The following G3BP2 variants were observed in gnomAD, a reference collection of about 807,000 sequenced individuals.
The protein encoded by G3BP2 is ras GTPase-activating protein-binding protein 2.
In G3BP2, 11 loss-of-function variants were observed where a neutral mutation model predicts 56.7. That is an observed-to-expected ratio of 0.19 (90% CI 0.12 to 0.32). G3BP2 has a LOEUF of 0.32. G3BP2 is among the 10% of genes least tolerant of loss of function. The pLI, the probability that G3BP2 is intolerant of heterozygous loss-of-function variation, is 1.00. For missense variants in G3BP2, 340 were observed against 610.9 expected (o/e 0.56, Z 4.67); for synonymous variants, 165 against 191.6 (o/e 0.86, Z 1.15).
chr4:75,651,634 A>G (rs1731706312), intron 8 of G3BP2, among the ~76,000 whole-genome samples: 1 of 152,222 alleles, frequency 6.6e-6, no homozygotes, highest in Admixed American at 6.5e-5. Flanking sequence ...CAGTTTCATG[A>G]TTAAAACTAG....
At chr4:75,692,657 G>A (rs1343946003) in intron 3 of G3BP2, among the ~76,000 whole-genome samples, 2 of 152,112 alleles carry the variant, frequency 1.3e-5, no homozygotes, top group Non-Finnish European at 1.5e-5. Flanking sequence ...TGTCTTTACC[G>A]CTGCTGAAAA....
intron 1 of G3BP2, among the ~76,000 whole-genome samples, chr4:75,664,026 G>C (rs1732785931): frequency 6.6e-6 from 1 of 150,704 alleles, no homozygotes; most frequent in Non-Finnish European, 1.5e-5. Context: ...TGGGACTACA[G>C]GCACGTGTCA....
At chr4:75,679,333 G>C (rs1012103190) in intron 3 of G3BP2, among the ~76,000 whole-genome samples, 2 of 152,224 alleles carry the variant, frequency 1.3e-5, no homozygotes, top group East Asian at 3.8e-4. Flanking sequence ...TAGAGCAAGA[G>C]AGGAGAAAGC....
At chr4:75,655,270 T>C in intron 6 of G3BP2, 24 bp from the exon 7 acceptor site, 1 of 1,543,928 alleles carries the variant, frequency 6.5e-7, no homozygotes, top group Non-Finnish European at 8.9e-7. Context: ...TTTAGTTCAC[T>C]TTTTAGTAGG....
chr4:75,645,736 C>A (rs1731167665), intron 11 of G3BP2, 34 bp from the exon 12 acceptor site: 1 of 1,579,848 alleles, frequency 6.3e-7, no homozygotes, highest in Non-Finnish European at 8.7e-7. Context: ...TTTACATGGG[C>A]AGGTTAGACA....
intron 1 of G3BP2, among the ~76,000 whole-genome samples, chr4:75,666,452 TGA>T (rs1262782851): frequency 6.6e-6 from 1 of 152,218 alleles, no homozygotes; most frequent in Non-Finnish European, 1.5e-5. Context: ...CAAGATTTAC[TGA>T]GAGAACAGTG....
intron 1 of G3BP2, among the ~76,000 whole-genome samples, chr4:75,669,186 G>A (rs888458173): frequency 1.3e-5 from 2 of 152,082 alleles, no homozygotes; most frequent in Non-Finnish European, 2.9e-5. Context: ...CTACCTAAAC[G>A]TGTATCTAGT....
chr4:75,652,136 G>A (rs1195641512), intron 8 of G3BP2, among the ~76,000 whole-genome samples: 1 of 152,054 alleles, frequency 6.6e-6, no homozygotes, highest in African/African-American at 2.4e-5. Flanking sequence ...TTAAAGGGGT[G>A]GCATAGGAAA....
chr4:75,684,627 C>A (rs1279659338), intron 3 of G3BP2, among the ~76,000 whole-genome samples: 1 of 152,048 alleles, frequency 6.6e-6, no homozygotes, highest in Non-Finnish European at 1.5e-5. Context: ...CAAACTGCAG[C>A]CTCAAACTCC....
chr4:75,693,476 T>A (rs937254891), intron 3 of G3BP2, among the ~76,000 whole-genome samples: 1 of 150,850 alleles, frequency 6.6e-6, no homozygotes, highest in Non-Finnish European at 1.5e-5. Context: ...GGTATCTGAG[T>A]TTTTTTTGTT....
At position 75,666,029 on chromosome 4, in the gene G3BP2, G is replaced by C. The variant is rs1158143354; in HGVS notation, c.-24-3980C>G. On this transcript the variant is annotated intron_variant, in intron 1 of 11. Transcript: ENST00000359707. Reference sequence around the variant, plus strand: ...CCATCATATTCATAGAGTACATACTGATCTATCATTTTTGTCACTTACATA... The same window carrying C: ...CCATCATATTCATAGAGTACATACTCATCTATCATTTTTGTCACTTACATA... Among the ~76,000 whole-genome samples the C allele has an allele frequency of 2.0e-5, 3 of 152,226 alleles. No individual in the cohort carries two copies. In the East Asian group the frequency reaches 5.8e-4, roughly 29 times the overall value.
Position 75,659,917 on chromosome 4 carries a change from C to T in G3BP2, c.96-993G>A, listed in dbSNP as rs1176152798. Among the ~76,000 whole-genome samples, 8 of 152,264 alleles carry T rather than the reference C, an allele frequency of 5.3e-5. No individual in the cohort carries two copies. The East Asian group carries it at 1.5e-3, about 29-fold the overall frequency. On this transcript the variant is annotated intron_variant, in intron 2 of 11. Transcript: ENST00000359707. ...AGAACAGTTTGGCTGTGTGTGTATA[C>T]ACATGAAAAGCCTCAGAATGATCAT... is the stretch of plus-strand genomic sequence containing the variant.
intron 3 of G3BP2, among the ~76,000 whole-genome samples, chr4:75,703,472 T>C (rs1719424523): frequency 6.6e-6 from 1 of 152,188 alleles, no homozygotes; most frequent in Admixed American, 6.6e-5. Flanking sequence ...AAATATTTAC[T>C]AAATGTCTAC....
At chr4:75,646,895 T>A (rs747976721) in intron 10 of G3BP2, 134 bp downstream of exon 10, 2 of 581,236 alleles carry the variant, frequency 3.4e-6, no homozygotes, top group African/African-American at 3.8e-5. Flanking sequence ...TCTGCACAAT[T>A]AAGGTGGGTC....
At chr4:75,682,373 G>A (rs1426806609) in intron 3 of G3BP2, among the ~76,000 whole-genome samples, 1 of 147,422 alleles carries the variant, frequency 6.8e-6, no homozygotes, top group Admixed American at 6.9e-5. Context: ...CCAAGATTGT[G>A]CCACTGCACT....
At chr4:75,706,190 T>G (rs1450754491) in intron 3 of G3BP2, among the ~76,000 whole-genome samples, 2 of 152,172 alleles carry the variant, frequency 1.3e-5, no homozygotes, top group East Asian at 3.9e-4. Flanking sequence ...CTACTTACAC[T>G]TGAACTTCAG....
chr4:75,673,296 C>G lies in G3BP2; in HGVS notation c.-113G>C. 2.4e-6 allele frequency: 3 copies of G among 1,228,854 alleles called. No homozygotes were observed. Among genetic ancestry groups the G allele is most frequent in the Non-Finnish European group, 3.0e-6 (3 of 986,352 alleles). The allele number at this position is 1,228,854 out of a possible 1,614,324, so 76.1% of individuals were successfully genotyped here. A position where few individuals can be genotyped will look rare whatever the true frequency, so the allele number is the denominator to read the frequency against. ...GCGGCGGGTTCTTATTGCTCGCCGC[C>G]CCCTTCCTCCGACAACTCGGAAGCC... On this transcript the variant is annotated 5_prime_UTR_variant, in exon 1 of 12. Transcript: ENST00000359707.
In G3BP2 at chr4:75,679,597, A is replaced by T. The variant is rs533440726; in HGVS notation, c.-24-17548T>A. Among the ~76,000 whole-genome samples the T allele has an allele frequency of 3.9e-5, 6 of 152,320 alleles. No individual in the cohort carries two copies. The South Asian group carries it at 1.0e-3, about 26-fold the overall frequency. ...GATTTTAGGTATGTAACTTGTTTTGATCATATCTATGAAAGTCTATAAGTA... is the reference window on the plus strand; with the variant it reads ...GATTTTAGGTATGTAACTTGTTTTGTTCATATCTATGAAAGTCTATAAGTA... On this transcript the variant is annotated intron_variant, in intron 3 of 3. Coordinates refer to the G3BP2 transcript ENST00000499709.
At chr4:75,647,276 G>A (rs989625953) in intron 9 of G3BP2, 119 bp from the exon 10 acceptor site, 17 of 634,310 alleles carry the variant, frequency 2.7e-5, no homozygotes, top group African/African-American at 1.7e-4. Context: ...AAGACTAGGT[G>A]AGCTTCTTGA....
Sources: gnomAD v4.1 joint callset for allele counts (sites outside exome capture counted in the v4.1 genomes callset) on GRCh38, gnomAD v4.1.1 for gene constraint, MANE v1.5 for transcripts, NCBI Gene and HGNC (gene_info 2026-07-23, HGNC 2026-07-21) for gene names.